The following KIAA0319 variants were observed in gnomAD, a reference collection of about 807,000 sequenced individuals.
The protein encoded by KIAA0319 is KIAA0319.
A neutral mutation model predicts 108.4 loss-of-function variants in KIAA0319; 83 were observed. That is an observed-to-expected ratio of 0.77 (90% CI 0.64 to 0.92). The LOEUF is 0.92. Ranked by LOEUF, KIAA0319 falls within the 40% of genes least tolerant of loss-of-function variation. The pLI is 0.00. For synonymous variants in KIAA0319, 484 were observed against 510.4 expected (o/e 0.95, Z 0.70); for missense variants, 1,195 against 1,322.4 (o/e 0.90, Z 1.49).
Position 24,597,255 on chromosome 6 carries a change from C to T in KIAA0319, c.56-637G>A, listed in dbSNP as rs76756567. On this transcript the variant is annotated intron_variant, in intron 2 of 20. Transcript: ENST00000378214. The stretch of plus-strand genomic sequence containing the variant: ...AAATAGCATCATGTCTCTGTTTTAT[C>T]GTTAATTGATTTTAAGTCTCACAGG... Among the ~76,000 whole-genome samples the T allele has an allele frequency of 6.6e-4, 101 of 152,264 alleles. 2 individuals are homozygous for T. In the East Asian group the frequency reaches 0.013, roughly 19 times the overall value.
chr6:24,557,619 A>G (rs183603704), intron 17 of KIAA0319, among the ~76,000 whole-genome samples: 22 of 152,366 alleles, frequency 1.4e-4, no homozygotes, highest in Admixed American at 9.8e-4. Flanking sequence ...ACATTATAGC[A>G]TTATCTTTAA....
intron 1 of KIAA0319, among the ~76,000 whole-genome samples, chr6:24,627,905 C>T (rs574235125): frequency 3.7e-4 from 57 of 152,304 alleles, no homozygotes; most frequent in African/African-American, 1.2e-3. Context: ...ACTCAAATAA[C>T]AGCATAAATG....
intron 17 of KIAA0319, 130 bp downstream of exon 17, chr6:24,558,883 G>T: frequency 1.1e-6 from 1 of 921,992 alleles, no homozygotes; most frequent in Non-Finnish European, 1.6e-6. Flanking sequence ...CTCTATTGGA[G>T]AAATAAATGT....
rs1337180342 is a variant in KIAA0319, at chr6:24,556,648, T to C, written c.2816A>G (p.Asn939Ser). ...ATCCCAGATATAACGCTGTATAAGG[T>C]TCTCCATCCATAAGTGAGAGCAAAT... Reference protein sequence around the residue: ...RCICSHLWMENLIQRYIWDGE... With the variant: ...RCICSHLWMESLIQRYIWDGE... The change falls in exon 18 of 21, where the codon AAC becomes AGC. Residue 939 changes from asparagine (N) to serine (S), a missense_variant. By Grantham distance (46) the Asn-to-Ser change is conservative. Transcript: ENST00000378214. The C allele has an allele frequency of 3.7e-6, 6 of 1,613,922 alleles. No individual in the cohort carries two copies. The African/African-American group carries it at 5.3e-5, about 14-fold the overall frequency.
At chr6:24,594,065 G>A (rs1331370032) in intron 3 of KIAA0319, among the ~76,000 whole-genome samples, 1 of 151,250 alleles carries the variant, frequency 6.6e-6, no homozygotes, top group Non-Finnish European at 1.5e-5. Flanking sequence ...TGGGCGTGGT[G>A]GCAGATGCCT....
chr6:24,580,830 C>T, intron 7 of KIAA0319, 96 bp downstream of exon 7: 1 of 764,812 alleles, frequency 1.3e-6, no homozygotes, highest in Non-Finnish European at 2.3e-6. Flanking sequence ...GGTTTTGTCT[C>T]TCTAGGTAGA....
At chr6:24,613,679 G>GGA (rs772322640) in intron 1 of KIAA0319, among the ~76,000 whole-genome samples, 7 of 137,526 alleles carry the variant, frequency 5.1e-5, no homozygotes, top group Non-Finnish European at 9.5e-5. Flanking sequence ...TCATTTGAGG[G>GGA]AAAAAAAAAA....
rs568901910 is a variant in KIAA0319 at position 24,619,571 on chromosome 6, C to T, written c.-105-18363G>A. Among the ~76,000 whole-genome samples the T allele has an allele frequency of 5.9e-5, 9 of 152,126 alleles. No individual in the cohort carries two copies. The East Asian group carries it at 1.5e-3, about 26-fold the overall frequency. On this transcript the variant is annotated intron_variant, in intron 1 of 20. Transcript: ENST00000378214. The stretch of plus-strand genomic sequence containing the variant: ...TGGGAGAGAGGGCTGGAGACATACA[C>T]TGGGAGGCATCATTGTGTAGCTGGT...
chr6:24,629,013 C>A (rs1171850401), intron 1 of KIAA0319, among the ~76,000 whole-genome samples: 13 of 152,146 alleles, frequency 8.5e-5, no homozygotes, highest in Admixed American at 8.5e-4. Flanking sequence ...ACCCATAACA[C>A]CATTGTTTGT....
chr6:24,588,496 T>C (rs538118595), intron 4 of KIAA0319, 97 bp downstream of exon 4: 1 of 961,304 alleles, frequency 1.0e-6, no homozygotes, highest in African/African-American at 1.6e-5. Flanking sequence ...CTGAAAAATG[T>C]GCCTGGAGGG....
chr6:24,599,610 T>C lies in KIAA0319; in HGVS notation c.55+1439A>G. 2 of 624,516 alleles carry C rather than the reference T, an allele frequency of 3.2e-6. No homozygotes were observed. Among genetic ancestry groups the C allele is most frequent in the South Asian group, 3.1e-5 (2 of 65,008 alleles). 38.7% of individuals were successfully genotyped at this position (624,516 alleles called of 1,614,324 possible). A position where few individuals can be genotyped will look rare whatever the true frequency, so the allele number is the denominator to read the frequency against. On this transcript the variant is annotated intron_variant, in intron 2 of 20. Coordinates refer to ENST00000378214, the MANE Select transcript of KIAA0319 (RefSeq NM_014809.4). This position sits in a 1 kb window ranked among gnomAD's most constrained non-coding sequence, Gnocchi z 4.1. ...CCATACAAAGACCACCAGTGGCTAC[T>C]CAGGTGAGCTGAGCTCAGCCTATGG...
intron 20 of KIAA0319, among the ~76,000 whole-genome samples, chr6:24,549,906 G>A (rs1761219895): frequency 6.6e-6 from 1 of 152,092 alleles, no homozygotes; most frequent in Non-Finnish European, 1.5e-5. Context: ...AGCGACTGAG[G>A]TTTCAAACTG....
rs1290029564 is a variant in KIAA0319 at position 24,599,548 on chromosome 6, A to T, written c.55+1501T>A. 1 of 579,562 alleles carries T rather than the reference A, an allele frequency of 1.7e-6. No individual in the cohort carries two copies. The highest frequency in any genetic ancestry group is 4.1e-5 in the East Asian group (1 of 24,186). 35.9% of individuals were successfully genotyped at this position (579,562 alleles called of 1,614,324 possible). ...TACAGGAAGGTGCTGGAGGGCGAGG[A>T]GAGCTGGCTGGAGTCTGGGATGCAG... On this transcript the variant is annotated intron_variant, in intron 2 of 20. Transcript: ENST00000378214. This position sits in a 1 kb window ranked among gnomAD's most constrained non-coding sequence, Gnocchi z 4.1.
intron 1 of KIAA0319, among the ~76,000 whole-genome samples, chr6:24,634,068 T>C (rs1386251583): frequency 6.6e-6 from 1 of 152,242 alleles, no homozygotes; most frequent in East Asian, 1.9e-4. Context: ...GCAAGATAAA[T>C]AAACACAAAA....
Position 24,596,217 on chromosome 6 carries a change from TCTC to T in KIAA0319, c.454_456del (p.Glu152del), listed in dbSNP as rs756969138. 5 of 1,614,002 alleles carry T rather than the reference TCTC, an allele frequency of 3.1e-6. No homozygotes were observed. Among genetic ancestry groups the T allele is most frequent in the Admixed American group, 1.7e-5 (1 of 59,996 alleles). ...CGGTAGTCATCTGAGTACTCAGACA[TCTC>T]CTCTAGGCCCCAATCTTTGCCTAGA... On this transcript the variant is annotated inframe_deletion, in exon 3 of 21. Coordinates refer to ENST00000378214, the MANE Select transcript of KIAA0319 (RefSeq NM_014809.4).
At chr6:24,635,683 A>C (rs1420528787) in intron 1 of KIAA0319, among the ~76,000 whole-genome samples, 1 of 152,202 alleles carries the variant, frequency 6.6e-6, no homozygotes, top group Non-Finnish European at 1.5e-5. Flanking sequence ...TCAGCAATAA[A>C]TGGGGACATC....
At chr6:24,626,361 G>A (rs779192806) in intron 1 of KIAA0319, among the ~76,000 whole-genome samples, 8 of 152,094 alleles carry the variant, frequency 5.3e-5, no homozygotes, top group Non-Finnish European at 7.3e-5. Context: ...GCAAAATCCC[G>A]TCTCTACTAA....
chr6:24,562,846 AAAAAT>A (rs1461389300), intron 16 of KIAA0319, among the ~76,000 whole-genome samples: 2 of 152,220 alleles, frequency 1.3e-5, no homozygotes, highest in South Asian at 4.1e-4. Flanking sequence ...CTCAAAAAAT[AAAAAT>A]AAAATAAAAT....
At position 24,563,505 on chromosome 6, in the gene KIAA0319, A is replaced by G; in HGVS notation, c.2445T>C (p.Ser815=). ...CCTGCAGGGTCAGCTCCACCAGGCC[A>G]CTCTTCCTAGGGTCTGGGGAAAGAG... ...TVEVQPDPRK[S]GLVELTLQVG... Residue 815 remains serine (S), a synonymous_variant, in exon 16 of 21, where the codon AGT becomes AGC. Transcript: ENST00000378214. The G allele has an allele frequency of 6.2e-7, 1 of 1,610,024 alleles. No individual in the cohort carries two copies. The highest frequency in any genetic ancestry group is 1.1e-5 in the South Asian group (1 of 90,532).
Sources: allele counts gnomAD v4.1 joint callset (sites outside exome capture counted in the v4.1 genomes callset), GRCh38; gene constraint gnomAD v4.1.1; non-coding constraint Gnocchi (gnomAD v3.1); transcripts MANE v1.5; gene names NCBI Gene and HGNC (gene_info 2026-07-23, HGNC 2026-07-21).